DDX19B: variants seen among roughly 807,000 people sequenced by gnomAD.
The protein encoded by DDX19B is ATP-dependent RNA helicase DDX19B.
In DDX19B, 27 loss-of-function variants were observed where a neutral mutation model predicts 58.1. The ratio of observed to expected loss-of-function variants is 0.46; its 90% CI spans 0.34 to 0.64. The LOEUF (loss-of-function observed/expected upper bound fraction) is 0.64. Ranked by LOEUF, DDX19B falls within the 30% of genes least tolerant of loss-of-function variation. The pLI is 0.01. For missense variants in DDX19B, 399 were observed against 596.5 expected, an observed-to-expected ratio of 0.67 and a Z score of 3.45; for synonymous variants, 187 against 214.4, an observed-to-expected ratio of 0.87 and a Z score of 1.12.
intron 1 of DDX19B, among the ~76,000 whole-genome samples, chr16:70,301,161 T>A (rs1961467305): frequency 6.6e-6 from 1 of 152,180 alleles, no homozygotes; most frequent in Non-Finnish European, 1.5e-5. Flanking sequence ...TTCCTTTCTG[T>A]ACCCCTACTT....
chr16:70,306,294 G>A (rs935636169), intron 1 of DDX19B, among the ~76,000 whole-genome samples: 3 of 152,058 alleles, frequency 2.0e-5, no homozygotes, highest in Non-Finnish European at 2.9e-5. Context: ...TGGGACTACA[G>A]GTGTGCACCA....
At chr16:70,326,842 C>CT (rs1289718590) in intron 7 of DDX19B, among the ~76,000 whole-genome samples, 48 of 140,162 alleles carry the variant, frequency 3.4e-4, no homozygotes, top group Admixed American at 1.4e-3. Context: ...AGACTTCTTT[C>CT]TTTTTTTTTT....
At chr16:70,292,427 G>A (rs1961083763), upstream of DDX19B, among the ~76,000 whole-genome samples, 1 of 152,036 alleles carries the variant, frequency 6.6e-6, no homozygotes, top group South Asian at 2.1e-4. Flanking sequence ...GATTTCAGGC[G>A]TGAGCCATCG....
intron 6 of DDX19B, 41 bp downstream of exon 6, chr16:70,324,728 T>A (rs1161459494): frequency 5.1e-6 from 8 of 1,562,768 alleles, no homozygotes; most frequent in Non-Finnish European, 6.1e-6. Context: ...AATGCATAGA[T>A]AGAAGGGGAT....
chr16:70,294,521 G>T (rs1470617452), upstream of DDX19B, among the ~76,000 whole-genome samples: 4 of 152,170 alleles, frequency 2.6e-5, no homozygotes, highest in Non-Finnish European at 5.9e-5. Flanking sequence ...TTTGACCCAC[G>T]GGGGGAGATG....
chr16:70,306,178 G>A (rs1361296847), intron 1 of DDX19B, among the ~76,000 whole-genome samples: 1 of 151,796 alleles, frequency 6.6e-6, no homozygotes, highest in Non-Finnish European at 1.5e-5. Flanking sequence ...TTGAAATAGA[G>A]TCTTACTTTG....
intron 2 of DDX19B, among the ~76,000 whole-genome samples, chr16:70,314,326 C>T (rs1321737849): frequency 2.6e-5 from 4 of 152,062 alleles, no homozygotes; most frequent in African/African-American, 7.2e-5. Context: ...AGGGAAATAA[C>T]AGGTTTTGAG....
At chr16:70,310,536 C>A (rs868764485) in intron 1 of DDX19B, among the ~76,000 whole-genome samples, 3 of 151,942 alleles carry the variant, frequency 2.0e-5, no homozygotes, top group Non-Finnish European at 2.9e-5. Context: ...CAGAGTGAGA[C>A]CTCGTCTGCA....
chr16:70,296,444 C>T (rs1961225606), upstream of DDX19B, among the ~76,000 whole-genome samples: 1 of 151,948 alleles, frequency 6.6e-6, no homozygotes, highest in African/African-American at 2.4e-5. Context: ...TCTTCTTAGG[C>T]ATTTTCCATA....
chr16:70,331,601 C>T, intron 9 of DDX19B, 121 bp from the exon 10 acceptor site: 3 of 1,336,932 alleles, frequency 2.2e-6, no homozygotes. Context: ...TTAAGCCTAA[C>T]CTCCTAACTG....
intron 4 of DDX19B, 125 bp downstream of exon 4, chr16:70,316,229 A>C (rs537904206): frequency 9.2e-5 from 105 of 1,142,002 alleles, no homozygotes; most frequent in Non-Finnish European, 1.2e-4. Flanking sequence ...TTTTTTTTCG[A>C]GACAGAGTCT....
chr16:70,331,872 G>C lies in DDX19B; in HGVS notation c.1174G>C (p.Val392Leu), dbSNP rs1460139242. 2 of 1,613,994 alleles carry C rather than the reference G, an allele frequency of 1.2e-6. No homozygotes were observed. Among genetic ancestry groups the C allele is most frequent in the Non-Finnish European group, 1.7e-6 (2 of 1,179,964 alleles). The change falls in exon 10 of 12, where the codon GTG becomes CTG. Residue 392 changes from valine to leucine, a missense_variant. By Grantham distance (32) the Val-to-Leu change is conservative. Around this residue, in one of 4 missense-constraint regions of DDX19B, gnomAD observed 198 missense variants for 345.9 expected, o/e 0.57. Coordinates refer to ENST00000288071, the MANE Select transcript of DDX19B (RefSeq NM_007242.7). ...GKEKVLVTTN[V>L]CARGIDVEQV... ...AGAGAAGGTTTTGGTGACCACCAAC[G>C]TGTGTGCCCGCGGTGAGCAGAGGAC...
chr16:70,318,381 C>CAA (rs1187438111), intron 5 of DDX19B, among the ~76,000 whole-genome samples: 9 of 118,576 alleles, frequency 7.6e-5, no homozygotes, highest in African/African-American at 1.5e-4. Flanking sequence ...CTCAAAAATG[C>CAA]AAAAAAAAAA....
chr16:70,293,106 A>T (rs548038444), upstream of DDX19B, among the ~76,000 whole-genome samples: 47 of 151,842 alleles, frequency 3.1e-4, 1 homozygote, highest in African/African-American at 1.0e-3. Context: ...AATTAAATTT[A>T]AAAAATAATA....
chr16:70,293,608 T>TC (rs1961115112), upstream of DDX19B, among the ~76,000 whole-genome samples: 1 of 118,256 alleles, frequency 8.5e-6, no homozygotes, highest in East Asian at 2.1e-4. Flanking sequence ...TTTTTTTTTT[T>TC]TTTTTTTTTT....
In DDX19B at chr16:70,329,384, A is replaced by C. The variant is rs1171030637; in HGVS notation, c.700A>C (p.Lys234Gln). Residue 234 changes from lysine to glutamine, a missense_variant, in exon 8 of 12, where the codon AAG becomes CAG. Lys to Gln is a moderately conservative substitution (Grantham distance 53, BLOSUM62 1). Transcript: ENST00000288071. Reference sequence around the variant, plus strand: ...CTCCAAGCTCAAGTTCATTGATCCCAAGAAAATCAAGGTGTTTGTTCTGGA... The same window carrying C: ...CTCCAAGCTCAAGTTCATTGATCCCCAGAAAATCAAGGTGTTTGTTCTGGA... Reference protein sequence around the residue: ...WCSKLKFIDPKKIKVFVLDEA... With the variant: ...WCSKLKFIDPQKIKVFVLDEA... 8.1e-6 allele frequency: 13 copies of C among 1,614,078 alleles called. No individual in the cohort carries two copies. Among genetic ancestry groups the C allele is most frequent in the Non-Finnish European group, 1.1e-5 (13 of 1,180,008 alleles).
At chr16:70,299,712 C>A (rs2152182399) in intron 1 of DDX19B, among the ~76,000 whole-genome samples, 1 of 152,274 alleles carries the variant, frequency 6.6e-6, no homozygotes, top group East Asian at 1.9e-4. Flanking sequence ...AAGCTATCTT[C>A]CTGCCTCGGC....
intron 1 of DDX19B, among the ~76,000 whole-genome samples, chr16:70,310,903 C>T (rs1388942842): frequency 6.6e-6 from 1 of 150,816 alleles, no homozygotes; most frequent in Non-Finnish European, 1.5e-5. Context: ...TGGTAGCGGA[C>T]GCCTGTAGTC....
chr16:70,323,112 A>G (rs984605215), intron 5 of DDX19B, among the ~76,000 whole-genome samples: 1 of 151,766 alleles, frequency 6.6e-6, no homozygotes, highest in Non-Finnish European at 1.5e-5. Context: ...TGTTTTTTTG[A>G]GACAGGGTCT....
Sources: allele counts gnomAD v4.1 joint callset (sites outside exome capture counted in the v4.1 genomes callset), GRCh38; gene constraint gnomAD v4.1.1; regional missense constraint gnomAD v4.1.1; transcripts MANE v1.5; gene names NCBI Gene and HGNC (gene_info 2026-07-23, HGNC 2026-07-21).